Variants in KRABD2 observed in about 807,000 individuals in gnomAD.
KRABD2 encodes the protein KRAB domain-containing protein 2.
the KRABD2 span, chr17:8,365,587 G>C: frequency 6.6e-6 from 1 of 152,188 alleles, no homozygotes; most frequent in East Asian, 1.9e-4. Context: ...AAAAGAAATG[G>C]CAATGAGCAG....
chr17:8,363,841 ATATATATATATATATATATATTTATT>A, the KRABD2 span, among the ~76,000 whole-genome samples: 2 of 75,302 alleles, frequency 2.7e-5, no homozygotes, highest in African/African-American at 5.8e-5. Flanking sequence ...ATATATATAT[ATATATATATATATATATATATTTATT>A]TATTTATTTA....
chr17:8,362,264 A>G, the KRABD2 span, among the ~76,000 whole-genome samples: 1 of 151,912 alleles, frequency 6.6e-6, no homozygotes, highest in African/African-American at 2.4e-5. This position sits in a 1 kb window ranked among gnomAD's most constrained non-coding sequence, Gnocchi z 4.2. Flanking sequence ...CGGGAGGTGG[A>G]GCTTGTAGTG....
chr17:8,373,177 CCA>C, the KRABD2 span, among the ~76,000 whole-genome samples: 15 of 145,328 alleles, frequency 1.0e-4, no homozygotes, highest in South Asian at 1.1e-3. Context: ...GTCTCCGTCT[CCA>C]CGGTCTCCCT....
chr17:8,368,572 T>C, the KRABD2 span: 2 of 152,240 alleles, frequency 1.3e-5, no homozygotes, highest in African/African-American at 2.4e-5. Context: ...AACACTTTAA[T>C]TTCAGACTTT....
At chr17:8,367,370 G>A in the KRABD2 span, among the ~76,000 whole-genome samples, 2 of 151,830 alleles carry the variant, frequency 1.3e-5, no homozygotes, top group Non-Finnish European at 2.9e-5. Flanking sequence ...GTGGGGGTGC[G>A]TGCCTGTAGT....
At chr17:8,365,384 T>C in the KRABD2 span, among the ~76,000 whole-genome samples, 2 of 152,088 alleles carry the variant, frequency 1.3e-5, no homozygotes, top group Admixed American at 1.3e-4. Flanking sequence ...TCAGTCAAAG[T>C]TGGACCTCCC....
At chr17:8,372,598 A>C in the KRABD2 span, among the ~76,000 whole-genome samples, 2 of 152,226 alleles carry the variant, frequency 1.3e-5, no homozygotes, top group African/African-American at 4.8e-5. This position sits in a 1 kb window ranked among gnomAD's most constrained non-coding sequence, Gnocchi z 4.1. Flanking sequence ...AGCCGGTCCT[A>C]CTAGTTCTAA....
chr17:8,376,220 G>A, the KRABD2 span: 1 of 1,231,096 alleles, frequency 8.1e-7, no homozygotes, highest in Non-Finnish European at 1.0e-6. Flanking sequence ...GTCGCTTACA[G>A]GTAGGTCGTT....
At chr17:8,363,809 A>G in the KRABD2 span, among the ~76,000 whole-genome samples, 10 of 127,914 alleles carry the variant, frequency 7.8e-5, no homozygotes, top group African/African-American at 2.7e-4. Context: ...ACATATATAT[A>G]TCATACATAT....
At chr17:8,364,073 T>C in the KRABD2 span, among the ~76,000 whole-genome samples, 1 of 151,750 alleles carries the variant, frequency 6.6e-6, no homozygotes, top group African/African-American at 2.4e-5. This position sits in a 1 kb window ranked among gnomAD's most constrained non-coding sequence, Gnocchi z 4.4. Flanking sequence ...TTTGCCAGGT[T>C]GGCCAGGCTG....
chr17:8,368,683 C>G, the KRABD2 span: 1 of 151,742 alleles, frequency 6.6e-6, no homozygotes, highest in Non-Finnish European at 1.4e-5. Flanking sequence ...GTCACCCAGG[C>G]CGGAGTGCAG....
the KRABD2 span, chr17:8,371,446 A>G: frequency 6.2e-7 from 1 of 1,614,218 alleles, no homozygotes; most frequent in Non-Finnish European, 8.5e-7. Context: ...CTGCTGCCAC[A>G]GGGACCATAT....
chr17:8,364,138 G>A, the KRABD2 span, among the ~76,000 whole-genome samples: 9 of 151,780 alleles, frequency 5.9e-5, no homozygotes, highest in Admixed American at 1.3e-4. The surrounding 1 kb of genome is among the most constrained non-coding windows in gnomAD (Gnocchi z 4.4). Context: ...CAAAGTGCTT[G>A]GATTACAGGC....
chr17:8,376,613 T>C, the KRABD2 span: 3 of 985,802 alleles, frequency 3.0e-6, no homozygotes, highest in Non-Finnish European at 3.6e-6. Flanking sequence ...AGAAAAGAGC[T>C]GCAGACTGAG....
At chr17:8,365,351 C>A in the KRABD2 span, among the ~76,000 whole-genome samples, 1 of 152,076 alleles carries the variant, frequency 6.6e-6, no homozygotes, top group Non-Finnish European at 1.5e-5. Flanking sequence ...GAGGTCAGCA[C>A]TGGGGAGGGG....
chr17:8,365,862 T>TCA, the KRABD2 span: 1 of 152,364 alleles, frequency 6.6e-6, no homozygotes, highest in Non-Finnish European at 1.5e-5. Flanking sequence ...GGCGAGTGGC[T>TCA]CACGCCTGTA....
the KRABD2 span, among the ~76,000 whole-genome samples, chr17:8,374,335 G>A: frequency 6.6e-6 from 1 of 152,078 alleles, no homozygotes; most frequent in African/African-American, 2.4e-5. Context: ...CCCCAACCCC[G>A]TGCTCTCTGA....
At chr17:8,370,329 A>T in the KRABD2 span, 1 of 1,606,874 alleles carries the variant, frequency 6.2e-7, no homozygotes, top group African/African-American at 1.3e-5. Context: ...TGCATTTGAA[A>T]CCCCAGGTGG....
the KRABD2 span, among the ~76,000 whole-genome samples, chr17:8,361,358 T>A: frequency 6.6e-6 from 1 of 152,152 alleles, no homozygotes; most frequent in South Asian, 2.1e-4. Flanking sequence ...TCTGTCACCT[T>A]AGATGAGGAA....
Sources: allele counts gnomAD v4.1 joint callset (sites outside exome capture counted in the v4.1 genomes callset), GRCh38; gene constraint gnomAD v4.1.1; non-coding constraint Gnocchi (gnomAD v3.1); transcripts MANE v1.5; gene names NCBI Gene and HGNC (gene_info 2026-07-23, HGNC 2026-07-21).